Variants in ELAVL2 observed in about 807,000 individuals in gnomAD.
The protein encoded by ELAVL2 is ELAV-like protein 2.
In ELAVL2, 4 loss-of-function variants were observed where a neutral mutation model predicts 34.6. The ratio of observed to expected loss-of-function variants is 0.12; its 90% CI spans 0.06 to 0.26. ELAVL2 has a LOEUF of 0.26. ELAVL2 is among the 10% of genes least tolerant of loss of function. The pLI, the probability that ELAVL2 is intolerant of heterozygous loss-of-function variation, is 1.00. For missense variants in ELAVL2, 432 were observed against 442.8 expected (o/e 0.98, Z 0.22); for synonymous variants, 193 against 154.8 (o/e 1.25, Z -1.83).
In ELAVL2 at chr9:23,791,833, C is replaced by T. The variant is rs191765897; in HGVS notation, c.-15-29584G>A. On this transcript the variant is annotated intron_variant, in intron 1 of 6. Coordinates refer to ENST00000397312, the MANE Select transcript of ELAVL2 (RefSeq NM_004432.5). ...TCCAGAACCATGAGAAAATAAATTT[C>T]TATTGTTTTTGCTACCCAGGCTATG... Among the ~76,000 whole-genome samples the T allele has an allele frequency of 2.7e-3, 409 of 152,256 alleles. 2 individuals carry two copies. Among genetic ancestry groups the T allele is most frequent in the Non-Finnish European group, 9.0e-4 (61 of 68,022 alleles).
At chr9:23,777,699 A>C (rs1026105220) in intron 1 of ELAVL2, among the ~76,000 whole-genome samples, 2 of 152,194 alleles carry the variant, frequency 1.3e-5, no homozygotes, top group South Asian at 4.1e-4. Context: ...ACTGCACTGG[A>C]ACAGTAATTA....
chr9:23,813,457 T>C (rs572592585), intron 1 of ELAVL2, among the ~76,000 whole-genome samples: 1 of 152,104 alleles, frequency 6.6e-6, no homozygotes, highest in Non-Finnish European at 1.5e-5. Context: ...CTGTTGTCAT[T>C]TATAAGCTCA....
At chr9:23,723,540 T>C (rs1280828660) in intron 3 of ELAVL2, among the ~76,000 whole-genome samples, 2 of 151,656 alleles carry the variant, frequency 1.3e-5, no homozygotes, top group Non-Finnish European at 2.9e-5. Context: ...ATTGTGCACA[T>C]GTACCCTAAA....
chr9:23,760,496 T>C (rs1680072821), intron 2 of ELAVL2, among the ~76,000 whole-genome samples: 1 of 151,998 alleles, frequency 6.6e-6, no homozygotes, highest in African/African-American at 2.4e-5. Context: ...AAACAAAAGA[T>C]AACATGTTTA....
chr9:23,704,611 TG>T (rs1173759346), intron 4 of ELAVL2, among the ~76,000 whole-genome samples: 1 of 152,142 alleles, frequency 6.6e-6, no homozygotes, highest in Non-Finnish European at 1.5e-5. Flanking sequence ...ATAAGCAGGA[TG>T]GGGGCTTTTA....
chr9:23,848,949 T>C, the ELAVL2 span, among the ~76,000 whole-genome samples: 1 of 152,182 alleles, frequency 6.6e-6, no homozygotes, highest in Non-Finnish European at 1.5e-5. Flanking sequence ...CTGGATAAGC[T>C]AAAAGGCAAC....
At chr9:23,804,213 G>A (rs1457086060) in intron 1 of ELAVL2, among the ~76,000 whole-genome samples, 3 of 149,852 alleles carry the variant, frequency 2.0e-5, no homozygotes, top group Non-Finnish European at 3.0e-5. Flanking sequence ...TCGCTCTGTC[G>A]CCCAGGCAGG....
intron 1 of ELAVL2, among the ~76,000 whole-genome samples, chr9:23,809,166 G>A (rs2062641497): frequency 6.6e-6 from 1 of 152,084 alleles, no homozygotes; most frequent in Admixed American, 6.6e-5. Flanking sequence ...ACTGCTTTGT[G>A]CATAGCCTGT....
At chr9:23,793,876 T>C (rs566397431) in intron 1 of ELAVL2, among the ~76,000 whole-genome samples, 19 of 152,170 alleles carry the variant, frequency 1.2e-4, no homozygotes, top group Non-Finnish European at 2.4e-4. Flanking sequence ...ATTATAAGCT[T>C]TGCTGATCTT....
chr9:23,766,564 C>T (rs1326057950), intron 1 of ELAVL2, among the ~76,000 whole-genome samples: 1 of 128,228 alleles, frequency 7.8e-6, no homozygotes, highest in Non-Finnish European at 1.7e-5. Context: ...CTATTGACAC[C>T]CCTCTTTCTG....
intron 1 of ELAVL2, among the ~76,000 whole-genome samples, chr9:23,781,728 T>C (rs2136834066): frequency 6.6e-6 from 1 of 152,134 alleles, no homozygotes; most frequent in Non-Finnish European, 1.5e-5. Flanking sequence ...AGTCTTGCTC[T>C]GCAACCCAGG....
At chr9:23,697,581 A>T (rs2035699843) in intron 5 of ELAVL2, among the ~76,000 whole-genome samples, 1 of 152,190 alleles carries the variant, frequency 6.6e-6, no homozygotes, top group Non-Finnish European at 1.5e-5. Flanking sequence ...TAGGAGAGAG[A>T]TGTGTATAAA....
At chr9:23,790,926 C>G (rs2060251397) in intron 1 of ELAVL2, among the ~76,000 whole-genome samples, 1 of 152,160 alleles carries the variant, frequency 6.6e-6, no homozygotes, top group African/African-American at 2.4e-5. Context: ...TACAGAGTGC[C>G]TAGAGTCTCA....
intron 2 of ELAVL2, 110 bp from the exon 3 acceptor site, chr9:23,731,235 C>A: frequency 2.6e-6 from 2 of 777,336 alleles, no homozygotes; most frequent in Admixed American, 3.2e-5. Flanking sequence ...ATTTCCTCAA[C>A]AGTAAAAAGA....
At chr9:23,765,012 G>A (rs1339175384) in intron 1 of ELAVL2, 40 of 1,608,886 alleles carry the variant, frequency 2.5e-5, no homozygotes, top group Non-Finnish European at 3.1e-5. Flanking sequence ...CACAGACCCC[G>A]GTCCAAGGCT....
intron 1 of ELAVL2, among the ~76,000 whole-genome samples, chr9:23,762,757 C>A (rs189948256): frequency 1.1e-4 from 16 of 152,124 alleles, no homozygotes; most frequent in African/African-American, 3.9e-4. Context: ...AGCAAGAGTA[C>A]TTTTAAAAAT....
At chr9:23,804,475 T>C (rs976652829) in intron 1 of ELAVL2, among the ~76,000 whole-genome samples, 6 of 152,322 alleles carry the variant, frequency 3.9e-5, no homozygotes, top group African/African-American at 9.6e-5. Context: ...ATACTCTTTA[T>C]TTACAGATAC....
chr9:23,736,785 A>G (rs1313531294), intron 2 of ELAVL2, among the ~76,000 whole-genome samples: 3 of 152,164 alleles, frequency 2.0e-5, no homozygotes, highest in African/African-American at 7.2e-5. Flanking sequence ...ATCCTCCACC[A>G]AAACATTGTC....
intron 3 of ELAVL2, among the ~76,000 whole-genome samples, chr9:23,709,481 T>C (rs2040344108): frequency 6.6e-6 from 1 of 152,088 alleles, no homozygotes; most frequent in African/African-American, 2.4e-5. Flanking sequence ...ATTTAGATCT[T>C]ACAGGTGCCT....
Sources: allele counts gnomAD v4.1 joint callset (sites outside exome capture counted in the v4.1 genomes callset), GRCh38; gene constraint gnomAD v4.1.1; transcripts MANE v1.5; gene names NCBI Gene and HGNC (gene_info 2026-07-23, HGNC 2026-07-21).